NDE1: variants seen among roughly 807,000 people sequenced by gnomAD.
The protein encoded by NDE1 is nudE neurodevelopment protein 1.
In NDE1, 28 loss-of-function variants were observed where a neutral mutation model predicts 43.4. The ratio of observed to expected loss-of-function variants is 0.65; its 90% CI spans 0.48 to 0.89. NDE1 has a LOEUF of 0.89. NDE1 is among the 40% of genes least tolerant of loss of function. The pLI is 0.00. For synonymous variants in NDE1, 184 were observed against 172.0 expected, an observed-to-expected ratio of 1.07 and a Z score of -0.55; for missense variants, 441 against 434.1, an observed-to-expected ratio of 1.02 and a Z score of -0.14.
At position 15,720,587 on chromosome 16, in the gene NDE1, G is replaced by GA. The variant is rs79015002; in HGVS notation, c.948-3589dup. ...AACATGGTGAAACCTTGTCTCCACT[G>GA]AAAAAAAAAAAAAAATTAGCTAGGT... On this transcript the variant is annotated intron_variant, in intron 8 of 8. Transcript: ENST00000396354. Among the ~76,000 whole-genome samples the GA allele has an allele frequency of 0.025, 3,430 of 138,608 alleles. 121 individuals are homozygous for GA. Among genetic ancestry groups the GA allele is most frequent in the East Asian group, 0.18 (869 of 4,820 alleles). 90.9% of individuals were successfully genotyped at this position (138,608 alleles called of 152,430 possible). A position where few individuals can be genotyped will look rare whatever the true frequency, so the allele number is the denominator to read the frequency against.
In NDE1 at chr16:15,707,272, G is replaced by A. The variant is rs2039508805; in HGVS notation, c.947+10412G>A. On this transcript the variant is annotated intron_variant, in intron 8 of 8. Coordinates refer to ENST00000396354, the MANE Select transcript of NDE1 (RefSeq NM_017668.3). ...GGCTGGTCCTGACCTCAAGTTATCT[G>A]CCCGCCTCGGCCTCCCAAAGTGCTG... Among the ~76,000 whole-genome samples the A allele has an allele frequency of 3.3e-5, 5 of 152,150 alleles. No homozygotes were observed. In the South Asian group the frequency reaches 1.0e-3, roughly 31 times the overall value.
At chr16:15,686,663 G>GGTTTTTGCTGTGTCTCT in intron 4 of NDE1, 1 of 458,268 alleles carries the variant, frequency 2.2e-6, no homozygotes, top group Non-Finnish European at 2.9e-6. Context: ...GAGAGACACA[G>GGTTTTTGCTGTGTCTCT]CAAAAACCTG....
chr16:15,711,716 C>T (rs1379152175), intron 8 of NDE1, among the ~76,000 whole-genome samples: 2 of 151,918 alleles, frequency 1.3e-5, no homozygotes, highest in East Asian at 1.9e-4. Context: ...TTTTTGAGAC[C>T]GAGTTTTGGT....
intron 4 of NDE1, among the ~76,000 whole-genome samples, chr16:15,682,672 A>C (rs2038242350): frequency 1.3e-5 from 2 of 152,210 alleles, no homozygotes; most frequent in South Asian, 4.1e-4. Flanking sequence ...AGTTTTACAA[A>C]AATTCAAATA....
At chr16:15,704,997 A>G (rs947867449) in intron 8 of NDE1, among the ~76,000 whole-genome samples, 1 of 152,074 alleles carries the variant, frequency 6.6e-6, no homozygotes, top group Admixed American at 6.5e-5. Context: ...GGATTTAAAA[A>G]AGAAATTTAA....
chr16:15,724,098 T>C, intron 8 of NDE1, 93 bp from the exon 9 acceptor site: 4 of 1,608,020 alleles, frequency 2.5e-6, no homozygotes, highest in African/African-American at 1.3e-5. Context: ...CGTCATACTC[T>C]GCAGAGCTGA....
At chr16:15,671,797 C>T (rs2037607255) in intron 3 of NDE1, among the ~76,000 whole-genome samples, 1 of 151,998 alleles carries the variant, frequency 6.6e-6, no homozygotes, top group Non-Finnish European at 1.5e-5. Context: ...CTTAAGTGAT[C>T]CTCCCACCTC....
chr16:15,668,868 G>A (rs2151450444), intron 3 of NDE1, among the ~76,000 whole-genome samples: 1 of 152,218 alleles, frequency 6.6e-6, no homozygotes, highest in Admixed American at 6.5e-5. Context: ...TCCGTTGGGA[G>A]GGACTGAGGT....
At chr16:15,659,866 A>C (rs1239936837) in intron 1 of NDE1, among the ~76,000 whole-genome samples, 1 of 148,936 alleles carries the variant, frequency 6.7e-6, no homozygotes, top group Non-Finnish European at 1.5e-5. Flanking sequence ...CTCCTGCCTT[A>C]GCCGCCTGAG....
rs1355377006 is a variant in NDE1, at chr16:15,715,081, C to T, written c.948-9110C>T. The T allele has an allele frequency of 1.3e-5, 21 of 1,612,770 alleles. No homozygotes were observed. The East Asian group carries it at 4.0e-4, about 31-fold the overall frequency. On this transcript the variant is annotated intron_variant, in intron 8 of 8. Coordinates refer to ENST00000396354, the MANE Select transcript of NDE1 (RefSeq NM_017668.3). ...TTGACCCTGGCATTGCCTTTCTCTGCCTGTCGCGGAGAGTTGGAGGGGTGG... is the reference window on the plus strand; with the variant it reads ...TTGACCCTGGCATTGCCTTTCTCTGTCTGTCGCGGAGAGTTGGAGGGGTGG...
intron 4 of NDE1, 139 bp from the exon 5 acceptor site, chr16:15,687,236 C>T (rs747330332): frequency 6.4e-7 from 1 of 1,561,680 alleles, no homozygotes; most frequent in Admixed American, 1.8e-5. Context: ...AGGGACTTGG[C>T]CCACTCTGTG....
In NDE1 at chr16:15,703,197, C is replaced by T. The variant is rs1382089181; in HGVS notation, c.947+6337C>T. Reference sequence around the variant, plus strand: ...AAGCACAGTCAGGGTGTAAACAGTGCAGCATTCCTGCTCCCCTCCGTGGGA... The same window carrying T: ...AAGCACAGTCAGGGTGTAAACAGTGTAGCATTCCTGCTCCCCTCCGTGGGA... On this transcript the variant is annotated intron_variant, in intron 8 of 8. Transcript: ENST00000396354. 2 of 205,054 alleles carry T rather than the reference C, an allele frequency of 9.8e-6. 1 individual carries two copies. Among genetic ancestry groups the T allele is most frequent in the Middle Eastern group, 3.4e-3 (2 of 592 alleles). The allele number at this position is 205,054 out of a possible 1,614,324, so 12.7% of individuals were successfully genotyped here.
intron 8 of NDE1, chr16:15,718,664 A>C: frequency 1.6e-6 from 1 of 620,280 alleles, no homozygotes; most frequent in Non-Finnish European, 2.8e-6. Flanking sequence ...GGGGACCAGC[A>C]CACTCCTCCC....
Position 15,721,626 on chromosome 16 carries a change from G to A in NDE1, c.948-2565G>A, listed in dbSNP as rs767066866. On this transcript the variant is annotated intron_variant, in intron 8 of 8. Coordinates refer to ENST00000396354, the MANE Select transcript of NDE1 (RefSeq NM_017668.3). ...ATTTGGAAGAGATGTTTTTCTCCTC[G>A]GCTAACAACTACAACACAAGACCCA... The A allele has an allele frequency of 5.9e-5, 95 of 1,614,084 alleles. No homozygotes were observed. The highest frequency in any genetic ancestry group is 6.5e-5 in the Non-Finnish European group (77 of 1,180,024).
chr16:15,721,287 TC>T, intron 8 of NDE1: 1 of 1,116,046 alleles, frequency 9.0e-7, no homozygotes, highest in Non-Finnish European at 1.3e-6. Flanking sequence ...CCTGCACCAG[TC>T]CAAAAACCTC....
At chr16:15,706,587 A>C (rs111861338) in intron 8 of NDE1, among the ~76,000 whole-genome samples, 5,017 of 152,064 alleles carry the variant, frequency 0.033, 282 homozygotes, top group African/African-American at 0.11. Context: ...GGCGCCTGGA[A>C]TCCCAGTCAC....
intron 1 of NDE1, among the ~76,000 whole-genome samples, chr16:15,655,645 C>T (rs1360894115): frequency 1.3e-5 from 2 of 152,056 alleles, no homozygotes; most frequent in Admixed American, 1.3e-4. Context: ...ACCCAAAGGA[C>T]TATAAATCAT....
intron 1 of NDE1, among the ~76,000 whole-genome samples, chr16:15,660,203 T>C (rs1251217383): frequency 6.6e-6 from 1 of 151,878 alleles, no homozygotes; most frequent in Non-Finnish European, 1.5e-5. Context: ...TCTTGCTGGG[T>C]GTGGTGGCTC....
rs372623443 is a variant in NDE1, at chr16:15,678,072, G to T, written c.386+123G>T. 385 of 1,271,598 alleles carry T rather than the reference G, an allele frequency of 3.0e-4. 8 individuals carry two copies. The South Asian group carries it at 4.6e-3, about 15-fold the overall frequency. The allele number at this position is 1,271,598 out of a possible 1,614,324, so 78.8% of individuals were successfully genotyped here. A position where few individuals can be genotyped will look rare whatever the true frequency, so the allele number is the denominator to read the frequency against. ...AAGCAGTGAGCAGAACAAAGCCAGTGCCCTTCTGGATTTTAGTGCCCGGGG... is the reference window on the plus strand; with the variant it reads ...AAGCAGTGAGCAGAACAAAGCCAGTTCCCTTCTGGATTTTAGTGCCCGGGG... On this transcript the variant is annotated intron_variant, in intron 4 of 8. Transcript: ENST00000396354.
Sources: gnomAD v4.1 joint callset for allele counts (sites outside exome capture counted in the v4.1 genomes callset) on GRCh38, gnomAD v4.1.1 for gene constraint, MANE v1.5 for transcripts, NCBI Gene and HGNC (gene_info 2026-07-23, HGNC 2026-07-21) for gene names.